The following AMZ2 variants were observed in gnomAD, a reference collection of about 807,000 sequenced individuals.
The protein encoded by AMZ2 is archaelysin family metallopeptidase 2.
In AMZ2, 26 loss-of-function variants were observed where a neutral mutation model predicts 36.7. That is an observed-to-expected ratio of 0.71 (90% CI 0.52 to 0.98). The LOEUF (loss-of-function observed/expected upper bound fraction) is 0.98, where lower values mean the gene tolerates loss of function less well. Ranked by LOEUF, AMZ2 falls within the 50% of genes least tolerant of loss-of-function variation. AMZ2 has a pLI of 0.00. For missense variants in AMZ2, 394 were observed against 430.5 expected, an observed-to-expected ratio of 0.92 and a Z score of 0.75; for synonymous variants, 144 against 149.1, an observed-to-expected ratio of 0.97 and a Z score of 0.25.
chr17:68,250,220 A>G lies in AMZ2; in HGVS notation c.33A>G (p.Leu11=), dbSNP rs782145067. The part of the protein sequence containing the change: MQIIRHSEQT[L]KTALISKNPV... ...TAATACGGCACTCCGAACAGACACT[A>G]AAAACAGCTCTCATCTCAAAGAACC... Residue 11 remains leucine, a synonymous_variant, in exon 2 of 7, where the codon CTA becomes CTG. Coordinates refer to ENST00000359904, the MANE Select transcript of AMZ2 (RefSeq NM_016627.5). 10 of 1,614,160 alleles carry G rather than the reference A, an allele frequency of 6.2e-6. No individual in the cohort carries two copies. The highest frequency in any genetic ancestry group is 8.5e-6 in the Non-Finnish European group (10 of 1,180,030).
chr17:68,228,598 G>A (rs1420668662), intron 1 of AMZ2, among the ~76,000 whole-genome samples: 7 of 152,162 alleles, frequency 4.6e-5, no homozygotes, highest in African/African-American at 1.2e-4. Flanking sequence ...CATTCCTTTC[G>A]CTGCTTTCAT....
intron 1 of AMZ2, among the ~76,000 whole-genome samples, chr17:68,226,189 A>G (rs1475970904): frequency 2.6e-5 from 4 of 152,122 alleles, no homozygotes; most frequent in African/African-American, 9.7e-5. Context: ...TAAGTGTATC[A>G]CTTCACAAAG....
intron 1 of AMZ2, among the ~76,000 whole-genome samples, chr17:68,223,327 C>G (rs2073417244): frequency 6.6e-6 from 1 of 151,998 alleles, no homozygotes; most frequent in Admixed American, 6.6e-5. Context: ...TCCATGACAT[C>G]AAGATCTTTC....
intron 1 of AMZ2, among the ~76,000 whole-genome samples, chr17:68,231,396 T>A (rs2073660633): frequency 6.7e-6 from 1 of 149,894 alleles, no homozygotes; most frequent in Non-Finnish European, 1.5e-5. Context: ...GACATCACTC[T>A]CTGTGAGTCA....
intron 1 of AMZ2, among the ~76,000 whole-genome samples, chr17:68,209,633 T>TATATATATGTATATATA (rs1555725395): frequency 3.8e-5 from 3 of 78,858 alleles, no homozygotes; most frequent in Admixed American, 1.2e-4. Context: ...TATATATATA[T>TATATATATGTATATATA]TTTTTTTTTT....
At chr17:68,242,228 G>A (rs1236621088) in intron 1 of AMZ2, among the ~76,000 whole-genome samples, 1 of 152,110 alleles carries the variant, frequency 6.6e-6, no homozygotes, top group East Asian at 1.9e-4. Flanking sequence ...CACCTAGAAA[G>A]CATGGAGAAG....
chr17:68,227,212 T>C (rs1568353776), intron 1 of AMZ2, among the ~76,000 whole-genome samples: 1 of 152,166 alleles, frequency 6.6e-6, no homozygotes, highest in African/African-American at 2.4e-5. Context: ...ACCTGCTCCG[T>C]GACCTCGGGA....
chr17:68,234,039 G>A, intron 1 of AMZ2, among the ~76,000 whole-genome samples: 1 of 152,160 alleles, frequency 6.6e-6, no homozygotes, highest in Non-Finnish European at 1.5e-5. Context: ...TGTGTAACAA[G>A]AACAAGTAGC....
chr17:68,211,748 A>ATATG (rs1555726025), intron 1 of AMZ2, among the ~76,000 whole-genome samples: 2 of 146,846 alleles, frequency 1.4e-5, no homozygotes, highest in African/African-American at 5.0e-5. Flanking sequence ...GTGTATATGT[A>ATATG]TATATGTATA....
intron 1 of AMZ2, among the ~76,000 whole-genome samples, chr17:68,241,171 A>G (rs1412945101): frequency 2.6e-5 from 4 of 152,230 alleles, no homozygotes; most frequent in Admixed American, 2.6e-4. Flanking sequence ...TGCATGGGCC[A>G]TGTAGAGAAG....
intron 1 of AMZ2, among the ~76,000 whole-genome samples, chr17:68,212,500 C>T (rs183398635): frequency 6.6e-6 from 1 of 152,318 alleles, no homozygotes; most frequent in South Asian, 2.1e-4. Context: ...TATGCCATTG[C>T]ACTCCAGCTT....
In AMZ2 at chr17:68,235,445, C is replaced by T. The variant is rs1452511083; in HGVS notation, c.-66-13195C>T. 1.9e-4 allele frequency among the ~76,000 whole-genome samples: 29 copies of T among 152,198 alleles called. No individual in the cohort carries two copies. Among genetic ancestry groups the T allele is most frequent in the African/African-American group, 5.8e-4 (24 of 41,452 alleles). On this transcript the variant is annotated intron_variant, in intron 1 of 7. Transcript: ENST00000674770. The surrounding 1 kb of genome is among the most constrained non-coding windows in gnomAD (Gnocchi z 4.2). ...TAAAGTGCCTTGGCTGAGGGCCACCCAGGAGCTGGTGGTGCCTCAGCTGAA... is the reference window on the plus strand; with the variant it reads ...TAAAGTGCCTTGGCTGAGGGCCACCTAGGAGCTGGTGGTGCCTCAGCTGAA...
At chr17:68,208,184 G>T (rs565110239) in intron 1 of AMZ2, among the ~76,000 whole-genome samples, 1 of 152,336 alleles carries the variant, frequency 6.6e-6, no homozygotes, top group African/African-American at 2.4e-5. Flanking sequence ...ACCACCCTAG[G>T]GCTGAGAAGT....
intron 1 of AMZ2, among the ~76,000 whole-genome samples, chr17:68,236,851 A>C (rs1555732708): frequency 6.6e-6 from 1 of 152,154 alleles, no homozygotes; most frequent in African/African-American, 2.4e-5. Flanking sequence ...AAGTGTTGGG[A>C]TTACAGGCGT....
intron 1 of AMZ2, among the ~76,000 whole-genome samples, chr17:68,233,247 G>A (rs1232665959): frequency 1.3e-5 from 2 of 152,130 alleles, no homozygotes; most frequent in African/African-American, 4.8e-5. Context: ...GGTGGCTCAC[G>A]CCTGTAATCC....
upstream of AMZ2, among the ~76,000 whole-genome samples, chr17:68,245,732 C>A (rs564521290): frequency 6.6e-6 from 1 of 152,244 alleles, no homozygotes; most frequent in East Asian, 1.9e-4. Context: ...GCTTCAGACA[C>A]CTCGTATAGA....
intron 1 of AMZ2, among the ~76,000 whole-genome samples, chr17:68,241,132 A>G (rs2073892411): frequency 6.6e-6 from 1 of 152,204 alleles, no homozygotes; most frequent in Non-Finnish European, 1.5e-5. Flanking sequence ...GGGGAGATGA[A>G]GTTACCCAGA....
At position 68,209,635 on chromosome 17, in the gene AMZ2, T is replaced by A. The variant is rs868933220; in HGVS notation, c.-67+3397T>A. 9.9e-3 allele frequency among the ~76,000 whole-genome samples: 1,346 copies of A among 136,334 alleles called. 10 individuals carry two copies. Among genetic ancestry groups the A allele is most frequent in the Non-Finnish European group, 0.012 (751 of 64,060 alleles). 89.4% of individuals were successfully genotyped at this position (136,334 alleles called of 152,430 possible). On this transcript the variant is annotated intron_variant, in intron 1 of 7. Coordinates refer to the AMZ2 transcript ENST00000674770. ...GTATATATATATATATATATATATT[T>A]TTTTTTTTTTTTATACAGAGTCTCC...
chr17:68,239,231 A>T (rs1381659229), intron 1 of AMZ2, among the ~76,000 whole-genome samples: 3 of 151,196 alleles, frequency 2.0e-5, no homozygotes, highest in Non-Finnish European at 4.4e-5. Flanking sequence ...TACTTTCCCA[A>T]CTCCCTTTTG....
Sources: allele counts gnomAD v4.1 joint callset (sites outside exome capture counted in the v4.1 genomes callset), GRCh38; gene constraint gnomAD v4.1.1; non-coding constraint Gnocchi (gnomAD v3.1); transcripts MANE v1.5; gene names NCBI Gene and HGNC (gene_info 2026-07-23, HGNC 2026-07-21).